Variants in ERGIC1 observed in about 807,000 individuals in gnomAD.
The protein encoded by ERGIC1 is endoplasmic reticulum-golgi intermediate compartment 1.
A neutral mutation model predicts 38.3 loss-of-function variants in ERGIC1; 19 were observed. That is an observed-to-expected ratio of 0.50 (90% CI 0.35 to 0.73). ERGIC1 has a LOEUF of 0.73. ERGIC1 is among the 30% of genes least tolerant of loss of function. The probability of loss-of-function intolerance (pLI) is 0.01; values close to 1 mark genes in which losing one functional copy is unlikely to be tolerated. For synonymous variants in ERGIC1, 124 were observed against 157.6 expected (o/e 0.79, Z 1.60); for missense variants, 294 against 389.2 (o/e 0.76, Z 2.06).
chr5:172,849,317 G>A (rs1428396732), intron 1 of ERGIC1, among the ~76,000 whole-genome samples: 1 of 152,122 alleles, frequency 6.6e-6, no homozygotes, highest in African/African-American at 2.4e-5. Flanking sequence ...GGCCCTGTGC[G>A]GATCCGGGAG....
chr5:172,904,753 C>T (rs1390277210), intron 3 of ERGIC1, among the ~76,000 whole-genome samples: 1 of 152,100 alleles, frequency 6.6e-6, no homozygotes, highest in Non-Finnish European at 1.5e-5. Flanking sequence ...GGCAGGAAGC[C>T]AGCAGCCCTG....
At chr5:172,888,025 C>T (rs1762464798) in intron 1 of ERGIC1, among the ~76,000 whole-genome samples, 1 of 152,198 alleles carries the variant, frequency 6.6e-6, no homozygotes, top group South Asian at 2.1e-4. Flanking sequence ...GAGTCACCCC[C>T]GATTCAGGGG....
chr5:172,937,491 C>G (rs1262606995), intron 9 of ERGIC1: 3 of 152,194 alleles, frequency 2.0e-5, no homozygotes, highest in Admixed American at 2.0e-4. Flanking sequence ...CGCAGCAAGA[C>G]CCCCTCCCTA....
intron 1 of ERGIC1, among the ~76,000 whole-genome samples, chr5:172,856,356 T>C (rs1761548052): frequency 6.6e-6 from 1 of 152,190 alleles, no homozygotes; most frequent in Non-Finnish European, 1.5e-5. Flanking sequence ...AGGCCATGCA[T>C]GGAACAGTGC....
intron 9 of ERGIC1, among the ~76,000 whole-genome samples, chr5:172,947,654 C>A (rs189489256): frequency 6.3e-4 from 96 of 152,342 alleles, no homozygotes; most frequent in African/African-American, 2.3e-3. Flanking sequence ...TTCAGGCTTG[C>A]AGTCACTCAC....
intron 3 of ERGIC1, chr5:172,898,408 CAT>C (rs1762783512): frequency 1.3e-5 from 2 of 152,326 alleles, no homozygotes; most frequent in Non-Finnish European, 2.9e-5. Flanking sequence ...CCCTAGCCCA[CAT>C]GTGTTTGACC....
At chr5:172,836,541 C>T (rs1035198003) in intron 1 of ERGIC1, among the ~76,000 whole-genome samples, 2 of 152,218 alleles carry the variant, frequency 1.3e-5, no homozygotes, top group African/African-American at 2.4e-5. Context: ...CAAACCTGCA[C>T]TCTTTAAGCT....
At position 172,846,883 on chromosome 5, in the gene ERGIC1, T is replaced by C. The variant is rs1561699485; in HGVS notation, c.20+12450T>C. 6.6e-6 allele frequency among the ~76,000 whole-genome samples: 1 copy of C among 152,206 alleles called. No homozygotes were observed. Among genetic ancestry groups the C allele is most frequent in the Non-Finnish European group, 1.5e-5 (1 of 68,044 alleles). Reference sequence around the variant, plus strand: ...TGGCATCTGTTAGGTGCTTGATATCTATTCGTTACAGAAAAAAGCACCAGG... The same window carrying C: ...TGGCATCTGTTAGGTGCTTGATATCCATTCGTTACAGAAAAAAGCACCAGG... On this transcript the variant is annotated intron_variant, in intron 1 of 9. Coordinates refer to ENST00000393784, the MANE Select transcript of ERGIC1 (RefSeq NM_001031711.3). This position sits in a 1 kb window ranked among gnomAD's most constrained non-coding sequence, Gnocchi z 4.0.
intron 9 of ERGIC1, among the ~76,000 whole-genome samples, chr5:172,946,561 T>C (rs1764125136): frequency 6.6e-6 from 1 of 152,202 alleles, no homozygotes; most frequent in Non-Finnish European, 1.5e-5. Context: ...GGCACAGCCT[T>C]GTGGCTGCAT....
chr5:172,927,473 G>A (rs1763681070), intron 7 of ERGIC1, among the ~76,000 whole-genome samples: 1 of 151,894 alleles, frequency 6.6e-6, no homozygotes, highest in Non-Finnish European at 1.5e-5. Context: ...GGCATGGATT[G>A]CAGTTTACCG....
At chr5:172,862,888 C>G (rs947812168) in intron 1 of ERGIC1, among the ~76,000 whole-genome samples, 2 of 152,208 alleles carry the variant, frequency 1.3e-5, no homozygotes, top group African/African-American at 4.8e-5. Flanking sequence ...GTCCAAGGTA[C>G]CTGTGAAAGT....
intron 2 of ERGIC1, among the ~76,000 whole-genome samples, chr5:172,892,061 T>TTTTTTTTTTTGTTTTGTTTTG (rs1762575688): frequency 9.9e-6 from 1 of 101,410 alleles, no homozygotes; most frequent in Non-Finnish European, 2.1e-5. Context: ...TTAAAGAGTA[T>TTTTTTTTTTTGTTTTGTTTTG]GTTTTTTTTT....
intron 3 of ERGIC1, among the ~76,000 whole-genome samples, chr5:172,898,743 G>A (rs566357551): frequency 6.6e-6 from 1 of 152,240 alleles, no homozygotes; most frequent in East Asian, 1.9e-4. Context: ...TTCCAGCTCT[G>A]GGAGAGGTTG....
chr5:172,862,354 A>C (rs1345548137), intron 1 of ERGIC1, among the ~76,000 whole-genome samples: 1 of 125,522 alleles, frequency 8.0e-6, no homozygotes, highest in African/African-American at 2.9e-5. Context: ...ATAAGGGGGG[A>C]GATAAGGAAG....
At position 172,897,992 on chromosome 5, in the gene ERGIC1, C is replaced by G. The variant is rs77170651; in HGVS notation, c.155+918C>G. ...GCCATTAGGATTATGCAGTCACGAC[C>G]TCATCGGACGCCCCTCTGTGATGGA... On this transcript the variant is annotated intron_variant, in intron 3 of 9. Transcript: ENST00000393784. 1.2e-3 allele frequency: 480 copies of G among 411,756 alleles called. 2 individuals carry two copies. The highest frequency in any genetic ancestry group is 8.8e-3 in the African/African-American group (431 of 48,736). 25.5% of individuals were successfully genotyped at this position (411,756 alleles called of 1,614,324 possible).
At chr5:172,862,291 G>A (rs1323949646) in intron 1 of ERGIC1, among the ~76,000 whole-genome samples, 2 of 117,802 alleles carry the variant, frequency 1.7e-5, no homozygotes, top group Non-Finnish European at 3.3e-5. Flanking sequence ...CTGGGCAACT[G>A]AGTGAGACTA....
chr5:172,950,486 G>C (rs1201243411), intron 9 of ERGIC1, among the ~76,000 whole-genome samples: 1 of 152,180 alleles, frequency 6.6e-6, no homozygotes, highest in Non-Finnish European at 1.5e-5. Context: ...AGCTCATAAT[G>C]GTGAAAATTA....
At chr5:172,847,803 A>G (rs792966) in intron 1 of ERGIC1, among the ~76,000 whole-genome samples, 55,519 of 152,042 alleles carry the variant, frequency 0.37, 11,390 homozygotes, top group African/African-American at 0.56. Context: ...ATGTGCCACC[A>G]CGCCCGGCCA....
chr5:172,849,328 A>G (rs780163166), intron 1 of ERGIC1, among the ~76,000 whole-genome samples: 2 of 152,148 alleles, frequency 1.3e-5, no homozygotes, highest in Non-Finnish European at 2.9e-5. Context: ...GATCCGGGAG[A>G]GTCAGATTCA....
Sources: gnomAD v4.1 joint callset for allele counts (sites outside exome capture counted in the v4.1 genomes callset) on GRCh38, gnomAD v4.1.1 for gene constraint, Gnocchi (gnomAD v3.1) non-coding constraint, MANE v1.5 for transcripts, NCBI Gene and HGNC (gene_info 2026-07-23, HGNC 2026-07-21) for gene names.